DAPL1: variants seen among roughly 807,000 people sequenced by gnomAD.
The protein encoded by DAPL1 is death-associated protein-like 1.
DAPL1 carries 17 observed loss-of-function variants against 12.9 expected under a neutral mutation model. The ratio of observed to expected loss-of-function variants is 1.32; its 90% confidence interval spans 0.90 to 1.98. DAPL1 has a LOEUF of 1.98. Among genes scored for constraint, DAPL1 ranks in the 30% most tolerant of loss-of-function variants. The pLI, the probability that DAPL1 is intolerant of heterozygous loss-of-function variation, is 0.00. For synonymous variants in DAPL1, 51 were observed against 42.0 expected (o/e 1.21, Z -0.82); for missense variants, 157 against 125.7 (o/e 1.25, Z -1.19).
intron 1 of DAPL1, 148 bp from the exon 2 acceptor site, chr2:158,804,133 TA>T (rs11297084): frequency 0.89 from 446,263 of 503,752 alleles, 198,618 homozygotes; most frequent in Admixed American, 0.91. Context: ...AAAATATATA[TA>T]TTTTTTATTG....
At chr2:158,800,081 A>AAAAAT (rs1553492202) in intron 1 of DAPL1, among the ~76,000 whole-genome samples, 2 of 145,236 alleles carry the variant, frequency 1.4e-5, no homozygotes, top group Non-Finnish European at 3.0e-5. Flanking sequence ...AAAAAAAAAA[A>AAAAAT]TTTGGCATTT....
chr2:158,799,858 C>T (rs937902466), intron 1 of DAPL1, among the ~76,000 whole-genome samples: 1 of 152,000 alleles, frequency 6.6e-6, no homozygotes, highest in African/African-American at 2.4e-5. Flanking sequence ...TTTTCTTCTT[C>T]CCCCTAAAAT....
At chr2:158,815,571 A>C (rs1439588785) in intron 3 of DAPL1, 134 bp from the exon 4 acceptor site, 3 of 699,252 alleles carry the variant, frequency 4.3e-6, no homozygotes, top group Non-Finnish European at 7.6e-6. Context: ...TAGTATGGAA[A>C]AAAAGAGATA....
chr2:158,808,049 G>A (rs543143666), intron 3 of DAPL1, among the ~76,000 whole-genome samples: 1 of 152,324 alleles, frequency 6.6e-6, no homozygotes, highest in South Asian at 2.1e-4. Flanking sequence ...TTCAAATTTT[G>A]TAGGTGAGCT....
intron 1 of DAPL1, among the ~76,000 whole-genome samples, chr2:158,801,983 G>A (rs1436146098): frequency 1.3e-5 from 2 of 152,150 alleles, no homozygotes; most frequent in Non-Finnish European, 2.9e-5. Flanking sequence ...AAATGCAAAT[G>A]GCTTCTAAAA....
intron 3 of DAPL1, among the ~76,000 whole-genome samples, chr2:158,813,795 T>C (rs2059245679): frequency 6.6e-6 from 1 of 152,198 alleles, no homozygotes; most frequent in South Asian, 2.1e-4. Context: ...GACCTCATGA[T>C]CCGCCCGCCT....
intron 2 of DAPL1, among the ~76,000 whole-genome samples, chr2:158,806,838 GAAA>G (rs542863747): frequency 0.024 from 2,955 of 123,222 alleles, 47 homozygotes; most frequent in South Asian, 0.061. Context: ...CTGTGTCTCA[GAAA>G]AAAAAAAATA....
chr2:158,807,306 T>G (rs140602999), intron 3 of DAPL1, among the ~76,000 whole-genome samples, 191 bp downstream of exon 3: 13 of 152,350 alleles, frequency 8.5e-5, no homozygotes, highest in Non-Finnish European at 1.8e-4. Flanking sequence ...CTCAAATTCC[T>G]AAAGTGTCCA....
chr2:158,808,088 A>AG (rs1436992597), intron 3 of DAPL1, among the ~76,000 whole-genome samples: 1 of 152,222 alleles, frequency 6.6e-6, no homozygotes, highest in East Asian at 1.9e-4. Context: ...TATGTCTAGT[A>AG]GGCAGGTACA....
At position 158,815,756 on chromosome 2, in the gene DAPL1, C is replaced by G; in HGVS notation, c.259C>G (p.Pro87Ala). Residue 87 changes from proline (P) to alanine (A), a missense_variant, in exon 4 of 4, where the codon CCT (proline) becomes GCT (alanine). Transcript: ENST00000309950. ...GCACATGGCGCATCAAAAACCCACA[C>G]CTGCTCTGGAAAAGGTTGTTCCACT... ...TVHMAHQKPT[P>A]ALEKVVPLKR... 6.2e-7 allele frequency: 1 copy of G among 1,614,084 alleles called. No homozygotes were observed. The highest frequency in any genetic ancestry group is 8.5e-7 in the Non-Finnish European group (1 of 1,179,956).
intron 1 of DAPL1, among the ~76,000 whole-genome samples, chr2:158,801,907 AAGAT>A (rs1225648639): frequency 1.3e-5 from 2 of 152,224 alleles, no homozygotes; most frequent in Non-Finnish European, 2.9e-5. Context: ...CGGTAAGAAA[AAGAT>A]AGGAAAAAGA....
chr2:158,803,739 G>T (rs183636599), intron 1 of DAPL1, among the ~76,000 whole-genome samples: 8 of 152,262 alleles, frequency 5.3e-5, no homozygotes, highest in Admixed American at 1.3e-4. Context: ...TTTGGGGTCT[G>T]GATGGAAGGT....
chr2:158,811,006 T>C (rs2059227512), intron 3 of DAPL1, among the ~76,000 whole-genome samples: 1 of 152,210 alleles, frequency 6.6e-6, no homozygotes. Flanking sequence ...AATATATTAA[T>C]CCTCTGGACA....
At chr2:158,804,803 C>A (rs528255377) in intron 2 of DAPL1, among the ~76,000 whole-genome samples, 2 of 152,166 alleles carry the variant, frequency 1.3e-5, no homozygotes, top group Non-Finnish European at 2.9e-5. Flanking sequence ...TTGTTTTAAA[C>A]CCATCACTGA....
chr2:158,814,328 C>G (rs1405989530), intron 3 of DAPL1, among the ~76,000 whole-genome samples: 2 of 151,904 alleles, frequency 1.3e-5, no homozygotes, highest in Non-Finnish European at 2.9e-5. Context: ...GACTCTAATG[C>G]AACATTTATG....
chr2:158,807,394 C>T (rs1047161960), intron 3 of DAPL1, among the ~76,000 whole-genome samples: 5 of 152,104 alleles, frequency 3.3e-5, no homozygotes, highest in African/African-American at 1.2e-4. Context: ...CTTTGCCATC[C>T]CAAATATTTC....
chr2:158,798,520 GCA>G (rs1559041967), intron 1 of DAPL1, among the ~76,000 whole-genome samples: 1 of 152,178 alleles, frequency 6.6e-6, no homozygotes, highest in Non-Finnish European at 1.5e-5. Flanking sequence ...AATGCTGACT[GCA>G]CCTGGCACAG....
chr2:158,800,992 G>A (rs762239300), intron 1 of DAPL1, among the ~76,000 whole-genome samples: 5 of 152,004 alleles, frequency 3.3e-5, no homozygotes, highest in Non-Finnish European at 7.4e-5. Flanking sequence ...ACCGGCAATC[G>A]CCACCACACC....
Position 158,808,705 on chromosome 2 carries a change from GC to G in DAPL1, c.207+1591del, listed in dbSNP as rs1253480740. On this transcript the variant is annotated intron_variant, in intron 3 of 3. Transcript: ENST00000309950. ...TGACACCCTGTAACATAAGCTGCCTGCTCCCACATCTTATATTCTCTTGCTC... is the reference window on the plus strand; with the variant it reads ...TGACACCCTGTAACATAAGCTGCCTGTCCCACATCTTATATTCTCTTGCTC... 3.9e-5 allele frequency among the ~76,000 whole-genome samples: 6 copies of G among 152,092 alleles called. No homozygotes were observed. The East Asian group carries it at 1.2e-3, about 29-fold the overall frequency.
Sources: allele counts gnomAD v4.1 joint callset (sites outside exome capture counted in the v4.1 genomes callset), GRCh38; gene constraint gnomAD v4.1.1; transcripts MANE v1.5; gene names NCBI Gene and HGNC (gene_info 2026-07-23, HGNC 2026-07-21).